OPHN1: variants seen among roughly 807,000 people sequenced by gnomAD.
The protein encoded by OPHN1 is oligophrenin 1.
A neutral mutation model predicts 60.7 loss-of-function variants in OPHN1; 11 were observed. That is an observed-to-expected ratio of 0.18 (90% CI 0.11 to 0.30). OPHN1 has a LOEUF of 0.30. OPHN1 is among the 10% of genes least tolerant of loss of function. The probability of loss-of-function intolerance (pLI) is 1.00; values close to 1 mark genes in which losing one functional copy is unlikely to be tolerated. For synonymous variants in OPHN1, 226 were observed against 222.6 expected, an observed-to-expected ratio of 1.02 and a Z score of -0.14; for missense variants, 449 against 611.0, an observed-to-expected ratio of 0.73 and a Z score of 2.80.
intron 2 of OPHN1, among the ~76,000 whole-genome samples, chrX:68,369,111 G>T (rs2078513980): frequency 9.1e-6 from 1 of 110,477 alleles, no homozygotes; most frequent in Admixed American, 9.7e-5. Flanking sequence ...AGGAGGCTGA[G>T]GCAGGAGAAT....
chrX:68,419,748 C>T (rs1375703786), intron 2 of OPHN1, among the ~76,000 whole-genome samples: 1 of 110,522 alleles, frequency 9.0e-6, no homozygotes, highest in Non-Finnish European at 1.9e-5. Flanking sequence ...ACCATGTTGG[C>T]CAGGCTGGTC....
At chrX:68,218,149 C>T (rs369138645) in intron 6 of OPHN1, among the ~76,000 whole-genome samples, 157 of 76,886 alleles carry the variant, frequency 2.0e-3, no homozygotes, top group Admixed American at 2.5e-3. Context: ...CCTCAGGAGC[C>T]GATGCGATCA....
intron 2 of OPHN1, among the ~76,000 whole-genome samples, chrX:68,319,046 A>T (rs777118772): frequency 9.0e-6 from 1 of 111,607 alleles, no homozygotes; most frequent in Non-Finnish European, 1.9e-5. Flanking sequence ...ACGCAGTGTC[A>T]GGTTTCTCCA....
chrX:68,249,868 G>A (rs2077824712), intron 5 of OPHN1, among the ~76,000 whole-genome samples: 1 of 111,843 alleles, frequency 8.9e-6, no homozygotes, highest in Admixed American at 9.5e-5. Flanking sequence ...TTCTTCACAA[G>A]GGCACTCCAG....
intron 2 of OPHN1, among the ~76,000 whole-genome samples, chrX:68,320,658 A>G (rs935866005): frequency 1.8e-5 from 2 of 110,176 alleles, no homozygotes; most frequent in Admixed American, 2.0e-4. Context: ...TTTGCAGTGG[A>G]CACCAGCTGG....
intron 2 of OPHN1, among the ~76,000 whole-genome samples, chrX:68,305,967 C>T (rs887917284): frequency 1.1e-4 from 12 of 111,970 alleles, no homozygotes; most frequent in African/African-American, 3.9e-4. Context: ...TAAGGAAAGA[C>T]TGAGAACAAT....
At chrX:68,156,265 A>G (rs1292184009) in intron 15 of OPHN1, among the ~76,000 whole-genome samples, 13 of 107,684 alleles carry the variant, frequency 1.2e-4, no homozygotes, top group Admixed American at 4.0e-4. Flanking sequence ...GCAGATTATC[A>G]TCTTAGTTCT....
chrX:68,250,303 G>A (rs1371617738), intron 5 of OPHN1, among the ~76,000 whole-genome samples: 3 of 112,273 alleles, frequency 2.7e-5, no homozygotes, highest in African/African-American at 6.5e-5. Context: ...AGTATTTCAC[G>A]GAAATAGAAC....
intron 2 of OPHN1, among the ~76,000 whole-genome samples, chrX:68,400,687 C>A (rs182504168): frequency 9.3e-6 from 1 of 107,062 alleles, no homozygotes; most frequent in Non-Finnish European, 1.9e-5. Flanking sequence ...CTGCAACCTC[C>A]GACTCCTGGG....
chrX:68,142,562 A>G (rs2077247978), intron 15 of OPHN1, among the ~76,000 whole-genome samples: 1 of 112,013 alleles, frequency 8.9e-6, no homozygotes, highest in Admixed American at 9.5e-5. Context: ...TGTGAAAAAT[A>G]TGGATCTGGC....
chrX:68,375,933 C>G (rs1451072626), intron 2 of OPHN1, among the ~76,000 whole-genome samples: 2 of 111,120 alleles, frequency 1.8e-5, no homozygotes, highest in Non-Finnish European at 3.8e-5. Flanking sequence ...ATAACGTAGT[C>G]TGACTCTAGA....
At chrX:68,143,793 G>T (rs1420809603) in intron 15 of OPHN1, among the ~76,000 whole-genome samples, 1 of 111,844 alleles carries the variant, frequency 8.9e-6, no homozygotes, top group African/African-American at 3.3e-5. Flanking sequence ...CTGGAAGCTT[G>T]TGTCTGGTTT....
intron 15 of OPHN1, among the ~76,000 whole-genome samples, chrX:68,146,850 C>G (rs957963569): frequency 2.3e-5 from 2 of 86,752 alleles, no homozygotes; most frequent in Non-Finnish European, 4.2e-5. Flanking sequence ...AGGCGTGTGT[C>G]TGTGTGTGTA....
chrX:68,262,596 C>A (rs1319808493), intron 5 of OPHN1, among the ~76,000 whole-genome samples: 1 of 111,788 alleles, frequency 8.9e-6, no homozygotes, highest in Non-Finnish European at 1.9e-5. Flanking sequence ...CCAGCCTGAC[C>A]AACATGGAGA....
chrX:68,119,415 T>A, intron 15 of OPHN1, 83 bp from the exon 16 acceptor site: 1 of 674,816 alleles, frequency 1.5e-6, no homozygotes, highest in Non-Finnish European at 2.4e-6. Flanking sequence ...AAAAACAAAG[T>A]ATATTACCCT....
intron 2 of OPHN1, chrX:68,360,933 G>A (rs1286162094): frequency 4.5e-5 from 5 of 112,034 alleles, no homozygotes; most frequent in Admixed American, 9.5e-5. Flanking sequence ...TAAGGGACTC[G>A]AGAAAGAAAT....
intron 5 of OPHN1, among the ~76,000 whole-genome samples, chrX:68,246,205 C>T (rs146890990): frequency 2.0e-4 from 22 of 112,091 alleles, no homozygotes; most frequent in African/African-American, 7.1e-4. Flanking sequence ...TACCATACCT[C>T]CGTTTTAAAA....
intron 2 of OPHN1, among the ~76,000 whole-genome samples, chrX:68,410,653 C>T (rs1393631388): frequency 1.8e-5 from 2 of 110,430 alleles, no homozygotes; most frequent in Non-Finnish European, 3.8e-5. Flanking sequence ...CATTACTAAA[C>T]ATCTCAGGGG....
chrX:68,159,954 T>C (rs1228749076), intron 15 of OPHN1, among the ~76,000 whole-genome samples: 1 of 108,282 alleles, frequency 9.2e-6, no homozygotes, highest in Non-Finnish European at 1.9e-5. Context: ...ATTAATTGAT[T>C]ATACAAATTA....
Sources: gnomAD v4.1 joint callset for allele counts (sites outside exome capture counted in the v4.1 genomes callset) on GRCh38, gnomAD v4.1.1 for gene constraint, MANE v1.5 for transcripts, NCBI Gene and HGNC (gene_info 2026-07-23, HGNC 2026-07-21) for gene names.